The following NKAIN1 variants were observed in gnomAD, a reference collection of about 807,000 sequenced individuals.
NKAIN1 encodes sodium/potassium-transporting ATPase subunit beta-1-interacting protein 1.
NKAIN1 carries 13 observed loss-of-function variants against 31.6 expected under a neutral mutation model. The observed-to-expected ratio is 0.41, with a 90% CI of 0.27 to 0.65. The LOEUF (loss-of-function observed/expected upper bound fraction) is 0.65, where lower values mean the gene tolerates loss of function less well. Among genes scored for constraint, NKAIN1 ranks in the 30% least tolerant of loss-of-function variants. NKAIN1 has a pLI of 0.30. For synonymous variants in NKAIN1, 104 were observed against 109.0 expected (o/e 0.95, Z 0.28); for missense variants, 193 against 262.2 (o/e 0.74, Z 1.82).
intron 1 of NKAIN1, among the ~76,000 whole-genome samples, chr1:31,219,324 C>T (rs1347507170): frequency 6.6e-6 from 1 of 152,240 alleles, no homozygotes; most frequent in Non-Finnish European, 1.5e-5. Flanking sequence ...CATGTGTAAG[C>T]TATGTCCACA....
intron 1 of NKAIN1, among the ~76,000 whole-genome samples, chr1:31,208,866 G>A (rs946637613): frequency 6.6e-6 from 1 of 152,162 alleles, no homozygotes; most frequent in African/African-American, 2.4e-5. Context: ...TGATACTGAG[G>A]CCTTGGGCAA....
chr1:31,236,777 G>A (rs1187763842), intron 1 of NKAIN1, among the ~76,000 whole-genome samples: 4 of 152,186 alleles, frequency 2.6e-5, no homozygotes, highest in African/African-American at 9.7e-5. Context: ...GGAAGAGTGG[G>A]GTTAGCTTAG....
intron 1 of NKAIN1, among the ~76,000 whole-genome samples, chr1:31,228,684 C>T (rs1645625671): frequency 2.6e-5 from 4 of 152,078 alleles, no homozygotes; most frequent in South Asian, 4.1e-4. Flanking sequence ...CACTTGACCT[C>T]CTGGGCTCAA....
intron 1 of NKAIN1, among the ~76,000 whole-genome samples, chr1:31,207,679 C>T (rs1645435198): frequency 6.6e-6 from 1 of 152,152 alleles, no homozygotes; most frequent in Non-Finnish European, 1.5e-5. Context: ...CTGCCCTGGC[C>T]ACGAGCTGTG....
chr1:31,185,821 T>G (rs1645237213), intron 2 of NKAIN1, among the ~76,000 whole-genome samples: 1 of 152,156 alleles, frequency 6.6e-6, no homozygotes, highest in Non-Finnish European at 1.5e-5. Flanking sequence ...CAGATGACAC[T>G]TTCAGAAACA....
chr1:31,232,114 G>A (rs1304865894), intron 1 of NKAIN1, among the ~76,000 whole-genome samples: 4 of 148,416 alleles, frequency 2.7e-5, no homozygotes, highest in Non-Finnish European at 6.0e-5. Flanking sequence ...TTTTTGAGAC[G>A]GAGTTTCGCT....
chr1:31,197,346 C>T (rs1237238137), intron 1 of NKAIN1, among the ~76,000 whole-genome samples: 4 of 151,242 alleles, frequency 2.6e-5, no homozygotes, highest in Non-Finnish European at 4.4e-5. Flanking sequence ...CTTCTGACCT[C>T]GTGATCCGCC....
chr1:31,238,677 G>A (rs991516276), intron 1 of NKAIN1, among the ~76,000 whole-genome samples: 4 of 152,158 alleles, frequency 2.6e-5, no homozygotes, highest in African/African-American at 9.7e-5. Flanking sequence ...GGGCACCCAA[G>A]TGTCCCCATC....
intron 1 of NKAIN1, among the ~76,000 whole-genome samples, chr1:31,224,904 A>G (rs2889713): frequency 0.32 from 48,092 of 152,008 alleles, 9,656 homozygotes; most frequent in African/African-American, 0.57. Context: ...GTGCCCACCT[A>G]ACAAGGGTAG....
intron 4 of NKAIN1, among the ~76,000 whole-genome samples, chr1:31,183,346 G>A (rs1645217097): frequency 6.6e-6 from 1 of 151,808 alleles, no homozygotes; most frequent in Non-Finnish European, 1.5e-5. Context: ...CTGCACAGGG[G>A]CTGGGGCAGC....
chr1:31,232,430 G>T (rs866755817), intron 1 of NKAIN1, among the ~76,000 whole-genome samples: 2,580 of 16,094 alleles, frequency 0.16, 19 homozygotes, highest in Middle Eastern at 0.33. Flanking sequence ...TATATAGAGA[G>T]AGAGAGAGAG....
chr1:31,206,496 C>T (rs925933843), intron 1 of NKAIN1, among the ~76,000 whole-genome samples: 8 of 152,126 alleles, frequency 5.3e-5, no homozygotes, highest in South Asian at 2.1e-4. Context: ...AATGCAGTGG[C>T]GTGATCTTGG....
In NKAIN1 at chr1:31,181,537, G is replaced by GTCCAAA. The variant is rs1645197476; in HGVS notation, c.*165_*166insTTTGGA. 2 of 581,926 alleles carry GTCCAAA rather than the reference G, an allele frequency of 3.4e-6. No individual in the cohort carries two copies. The highest frequency in any genetic ancestry group is 1.4e-4 in the South Asian group (2 of 14,256). The allele number at this position is 581,926 out of a possible 1,614,324, so 36.0% of individuals were successfully genotyped here. A position where few individuals can be genotyped will look rare whatever the true frequency, so the allele number is the denominator to read the frequency against. ...GAGCCAAGCTCAAATCCAAGTCCAA[G>GTCCAAA]TCCAAGTCCACGTCCAAGTCCGCAT... On this transcript the variant is annotated 3_prime_UTR_variant, in exon 7 of 7. Transcript: ENST00000373736.
chr1:31,231,029 C>T (rs1267451417), intron 1 of NKAIN1, among the ~76,000 whole-genome samples: 7 of 151,740 alleles, frequency 4.6e-5, no homozygotes, highest in Admixed American at 4.6e-4. Context: ...ATTACAGGTG[C>T]CCGCCACCAT....
At chr1:31,215,007 G>A (rs1241336775) in intron 1 of NKAIN1, among the ~76,000 whole-genome samples, 4 of 152,230 alleles carry the variant, frequency 2.6e-5, no homozygotes, top group Admixed American at 2.6e-4. Context: ...AGTGTTCCCA[G>A]TCAGCATCTG....
intron 1 of NKAIN1, among the ~76,000 whole-genome samples, chr1:31,195,044 T>C (rs1205715274): frequency 2.6e-5 from 4 of 151,914 alleles, no homozygotes; most frequent in African/African-American, 4.8e-5. Context: ...GTGTTGGGAT[T>C]ACAGGCGTGA....
In NKAIN1 at chr1:31,202,872, G is replaced by A. The variant is rs146397992; in HGVS notation, c.55-14685C>T. Among the ~76,000 whole-genome samples the A allele has an allele frequency of 4.9e-4, 75 of 151,530 alleles. No homozygotes were observed. In the East Asian group the frequency reaches 0.014, roughly 29 times the overall value. ...TGCGCCTGTAGTCCCAGCTACTCGG[G>A]AGGCTGAGGCAAGAGAATCATTTGA... On this transcript the variant is annotated intron_variant, in intron 1 of 6. Coordinates refer to ENST00000373736, the MANE Select transcript of NKAIN1 (RefSeq NM_024522.3).
chr1:31,203,779 T>C (rs1645403065), intron 1 of NKAIN1, among the ~76,000 whole-genome samples: 1 of 152,110 alleles, frequency 6.6e-6, no homozygotes, highest in African/African-American at 2.4e-5. Context: ...GAGATGGGGT[T>C]TCACTATGTT....
chr1:31,218,393 G>T (rs1166578026), intron 1 of NKAIN1, among the ~76,000 whole-genome samples: 1 of 152,102 alleles, frequency 6.6e-6, no homozygotes, highest in Non-Finnish European at 1.5e-5. Context: ...TTAACTAAGT[G>T]CCAGGTGCTG....
Sources: gnomAD v4.1 joint callset for allele counts (sites outside exome capture counted in the v4.1 genomes callset) on GRCh38, gnomAD v4.1.1 for gene constraint, MANE v1.5 for transcripts, NCBI Gene and HGNC (gene_info 2026-07-23, HGNC 2026-07-21) for gene names.